The following ZFP64 variants were observed in gnomAD, a reference collection of about 807,000 sequenced individuals.
ZFP64 encodes zinc finger protein 64.
A neutral mutation model predicts 51.6 loss-of-function variants in ZFP64; 14 were observed. The observed-to-expected ratio is 0.27, with a 90% CI of 0.18 to 0.42. The LOEUF is 0.42. Ranked by LOEUF, ZFP64 falls within the 10% of genes least tolerant of loss-of-function variation. The pLI, the probability that ZFP64 is intolerant of heterozygous loss-of-function variation, is 1.00. For missense variants in ZFP64, 754 were observed against 906.8 expected, an observed-to-expected ratio of 0.83 and a Z score of 2.16; for synonymous variants, 375 against 361.4, an observed-to-expected ratio of 1.04 and a Z score of -0.43.
chr20:52,095,631 T>C (rs1349828250), intron 7 of ZFP64, among the ~76,000 whole-genome samples: 2 of 152,296 alleles, frequency 1.3e-5, no homozygotes, highest in East Asian at 3.9e-4. Flanking sequence ...TAAGTTTGCT[T>C]ACACTAGGGA....
At chr20:52,127,044 CAGGTTCA>C (rs1979480044) in intron 5 of ZFP64, among the ~76,000 whole-genome samples, 1 of 151,750 alleles carries the variant, frequency 6.6e-6, no homozygotes. Context: ...CTCCACTTCC[CAGGTTCA>C]AGCAATTCTC....
intron 7 of ZFP64, among the ~76,000 whole-genome samples, chr20:52,096,107 GAC>G (rs2078985519): frequency 6.6e-6 from 1 of 152,184 alleles, no homozygotes; most frequent in Admixed American, 6.5e-5. Context: ...CATCTTTCTG[GAC>G]AGAGACCACC....
At chr20:52,120,262 G>A (rs915292573) in intron 5 of ZFP64, among the ~76,000 whole-genome samples, 13 of 152,086 alleles carry the variant, frequency 8.5e-5, no homozygotes, top group African/African-American at 1.9e-4. Flanking sequence ...CCCAGTCTAC[G>A]GCACTTTGTT....
intron 5 of ZFP64, among the ~76,000 whole-genome samples, chr20:52,119,876 G>A (rs1979092274): frequency 6.6e-6 from 1 of 152,072 alleles, no homozygotes. Context: ...AGTTGGGTGG[G>A]GAGGAGGTGT....
intron 3 of ZFP64, chr20:52,165,028 CT>C (rs763807947): frequency 6.8e-6 from 4 of 589,990 alleles, no homozygotes; most frequent in South Asian, 4.6e-5. Context: ...CTGGCCTATA[CT>C]TTTCAAAAAT....
At chr20:52,184,870 C>T (rs2079009688) in intron 2 of ZFP64, among the ~76,000 whole-genome samples, 1 of 152,124 alleles carries the variant, frequency 6.6e-6, no homozygotes, top group Non-Finnish European at 1.5e-5. Context: ...TCAAGTGATC[C>T]TCCAGCCTTG....
intron 5 of ZFP64, among the ~76,000 whole-genome samples, chr20:52,129,867 A>G (rs1437690322): frequency 6.6e-6 from 1 of 152,172 alleles, no homozygotes; most frequent in Non-Finnish European, 1.5e-5. Context: ...CCCCGGGGCA[A>G]TTCATCTTTG....
intron 2 of ZFP64, among the ~76,000 whole-genome samples, chr20:52,179,450 C>T (rs1433448245): frequency 1.3e-5 from 2 of 152,164 alleles, no homozygotes; most frequent in African/African-American, 4.8e-5. Context: ...TTCCTGCCCT[C>T]GTTCAATAGC....
chr20:52,105,042 C>T (rs1978299680), intron 5 of ZFP64: 4 of 1,371,776 alleles, frequency 2.9e-6, no homozygotes, highest in East Asian at 2.7e-5. Context: ...CTTTCAGGTC[C>T]CCTGCCCGGT....
intron 2 of ZFP64, chr20:52,175,869 C>G (rs960216889): frequency 9.0e-4 from 712 of 786,830 alleles, no homozygotes; most frequent in Non-Finnish European, 1.0e-3. Context: ...CTGCCGCCCC[C>G]GCCCCCAAAA....
intron 5 of ZFP64, among the ~76,000 whole-genome samples, chr20:52,131,051 G>A (rs747705396): frequency 7.9e-5 from 12 of 151,602 alleles, no homozygotes; most frequent in Non-Finnish European, 1.8e-4. Flanking sequence ...GGGCGACAGA[G>A]CAAGACTCTG....
chr20:52,154,178 G>A (rs2122965208), intron 5 of ZFP64, among the ~76,000 whole-genome samples: 1 of 152,210 alleles, frequency 6.6e-6, no homozygotes, highest in East Asian at 1.9e-4. Flanking sequence ...AAGCAAATTG[G>A]CGACCCCTCA....
At chr20:52,154,556 T>C (rs1981149750) in intron 5 of ZFP64, among the ~76,000 whole-genome samples, 1 of 152,166 alleles carries the variant, frequency 6.6e-6, no homozygotes, top group East Asian at 1.9e-4. Flanking sequence ...CTTTTTGACA[T>C]AGGATCTGCT....
intron 8 of ZFP64, among the ~76,000 whole-genome samples, chr20:52,087,124 A>G (rs934208113): frequency 3.9e-5 from 6 of 152,160 alleles, no homozygotes; most frequent in African/African-American, 1.4e-4. Flanking sequence ...CTAGAAGCCA[A>G]TACTACCCAG....
chr20:52,185,597 T>TTTTG (rs1983905574), intron 2 of ZFP64, among the ~76,000 whole-genome samples: 2 of 150,764 alleles, frequency 1.3e-5, no homozygotes, highest in African/African-American at 2.4e-5. Flanking sequence ...TTTTTTTTTT[T>TTTTG]GAGACGAAGT....
rs1400939708 is a variant in ZFP64 at position 52,152,425 on chromosome 20, C to T, written c.1767G>A (p.Thr589=). The T allele has an allele frequency of 1.2e-6, 2 of 1,613,998 alleles. No homozygotes were observed. Among genetic ancestry groups the T allele is most frequent in the Middle Eastern group, 1.6e-4 (1 of 6,084 alleles). Residue 589 remains threonine (T), a synonymous_variant, in exon 6 of 6, where the codon ACG becomes ACA. Coordinates refer to ENST00000216923, the MANE Select transcript of ZFP64 (RefSeq NM_018197.3). ...AGCCTTCCTGGGGGCCACCTGAGGC[C>T]GTGGGGATGAGAGTCTGGTGCAGAG... ...GATLHQTLIP[T]ASGGPQEGSG... is the part of the protein sequence containing the mutation.
At chr20:52,106,253 C>A (rs993618208) in intron 5 of ZFP64, among the ~76,000 whole-genome samples, 4 of 152,142 alleles carry the variant, frequency 2.6e-5, no homozygotes, top group African/African-American at 9.7e-5. Flanking sequence ...CCGAGGGAGA[C>A]CCCTCCTTGC....
chr20:52,132,594 A>G (rs1365181059), intron 5 of ZFP64, among the ~76,000 whole-genome samples: 1 of 152,186 alleles, frequency 6.6e-6, no homozygotes, highest in Non-Finnish European at 1.5e-5. Flanking sequence ...ATGTCAATAA[A>G]TTGGAAAATC....
chr20:52,173,434 A>G (rs1982913855), intron 2 of ZFP64, among the ~76,000 whole-genome samples: 1 of 151,996 alleles, frequency 6.6e-6, no homozygotes, highest in African/African-American at 2.4e-5. Flanking sequence ...AAAACCATAC[A>G]AAAAATAGCT....
Sources: allele counts gnomAD v4.1 joint callset (sites outside exome capture counted in the v4.1 genomes callset), GRCh38; gene constraint gnomAD v4.1.1; transcripts MANE v1.5; gene names NCBI Gene and HGNC (gene_info 2026-07-23, HGNC 2026-07-21).